The following DLG2 variants were observed in gnomAD, a reference collection of about 807,000 sequenced individuals.
DLG2 encodes discs large MAGUK scaffold protein 2, also known as disks large homolog 2.
A neutral mutation model predicts 132.5 loss-of-function variants in DLG2; 45 were observed. That is an observed-to-expected ratio of 0.34 (90% CI 0.27 to 0.44). The LOEUF is 0.44. Among genes scored for constraint, DLG2 ranks in the 20% least tolerant of loss-of-function variants. The probability of loss-of-function intolerance (pLI) is 1.00; values close to 1 mark genes in which losing one functional copy is unlikely to be tolerated. For missense variants in DLG2, 1,045 were observed against 1,196.9 expected (o/e 0.87, Z 1.87); for synonymous variants, 424 against 419.6 (o/e 1.01, Z -0.13).
At chr11:84,724,528 T>C (rs1041856924) in intron 6 of DLG2, among the ~76,000 whole-genome samples, 1 of 152,188 alleles carries the variant, frequency 6.6e-6, no homozygotes, top group Non-Finnish European at 1.5e-5. Context: ...AGAATATTTA[T>C]ACCATGTAAA....
In DLG2 at chr11:85,626,764, C is replaced by T. The variant is rs1436518291; in HGVS notation, c.-259-11G>A. ...TCCAGGCTGAGTCTTCTATGTCAGA[C>T]AAAGAAAATAATGATGTATTTTTTC... On this transcript the variant is annotated splice_polypyrimidine_tract_variant and intron_variant, in intron 1 of 27. Transcript: ENST00000376104. 2.0e-5 allele frequency: 3 copies of T among 152,164 alleles called. No individual in the cohort carries two copies. The highest frequency in any genetic ancestry group is 4.4e-5 in the Non-Finnish European group (3 of 68,030). The allele number at this position is 152,164 out of a possible 1,614,324, so 9.4% of individuals were successfully genotyped here. A position where few individuals can be genotyped will look rare whatever the true frequency, so the allele number is the denominator to read the frequency against.
At chr11:84,545,773 T>TTG (rs2099388505) in intron 6 of DLG2, 1 of 161,638 alleles carries the variant, frequency 6.2e-6, no homozygotes, top group African/African-American at 3.0e-5. Context: ...TTTTTTTTTT[T>TTG]GAGAAGGAGT....
intron 3 of DLG2, among the ~76,000 whole-genome samples, chr11:85,446,617 T>C (rs2092022218): frequency 6.6e-6 from 1 of 152,160 alleles, no homozygotes; most frequent in African/African-American, 2.4e-5. Context: ...TAAAATACTA[T>C]TTTTCACATT....
chr11:83,600,159 G>T (rs1398368191), intron 19 of DLG2, among the ~76,000 whole-genome samples: 2 of 151,974 alleles, frequency 1.3e-5, no homozygotes, highest in African/African-American at 4.8e-5. Context: ...ATAAGCTCAT[G>T]ATAGAGAGAT....
chr11:84,370,027 T>G (rs1375084631), intron 7 of DLG2, among the ~76,000 whole-genome samples: 2 of 151,694 alleles, frequency 1.3e-5, no homozygotes, highest in Admixed American at 1.3e-4. Context: ...ATGAACAACA[T>G]AAATAATTAT....
At chr11:84,709,559 A>G (rs1479715655) in intron 6 of DLG2, among the ~76,000 whole-genome samples, 1 of 151,964 alleles carries the variant, frequency 6.6e-6, no homozygotes, top group East Asian at 1.9e-4. Flanking sequence ...GAGCTTCCCC[A>G]AAGTCACAGA....
At chr11:85,193,278 C>T (rs1222647077) in intron 4 of DLG2, among the ~76,000 whole-genome samples, 1 of 152,182 alleles carries the variant, frequency 6.6e-6, no homozygotes, top group African/African-American at 2.4e-5. Context: ...TTAATACTCC[C>T]TTATACAGAT....
intron 3 of DLG2, among the ~76,000 whole-genome samples, chr11:85,369,594 T>C (rs2084820465): frequency 6.6e-6 from 1 of 152,196 alleles, no homozygotes; most frequent in Non-Finnish European, 1.5e-5. Context: ...ATGGCCCATC[T>C]GGTGTGCTTT....
chr11:84,043,541 C>T (rs1028490999), intron 11 of DLG2, among the ~76,000 whole-genome samples: 1 of 151,766 alleles, frequency 6.6e-6, no homozygotes, highest in African/African-American at 2.4e-5. Flanking sequence ...CCCAAACCCT[C>T]CACTCTCAAG....
intron 11 of DLG2, among the ~76,000 whole-genome samples, chr11:84,005,542 A>T (rs2094537165): frequency 6.6e-6 from 1 of 151,968 alleles, no homozygotes. Flanking sequence ...CAGTTAACAG[A>T]GGGAAGAAAC....
chr11:84,831,091 T>C (rs2079005747), intron 6 of DLG2, among the ~76,000 whole-genome samples: 1 of 151,024 alleles, frequency 6.6e-6, no homozygotes, highest in South Asian at 2.1e-4. Flanking sequence ...TTTGAGAACA[T>C]GCATTTCTAG....
intron 17 of DLG2, among the ~76,000 whole-genome samples, chr11:83,800,418 G>C (rs1005273177): frequency 1.3e-5 from 2 of 152,302 alleles, no homozygotes; most frequent in East Asian, 3.9e-4. Flanking sequence ...GCATGTTTCA[G>C]AGTGAGTGAA....
chr11:83,631,548 T>C (rs1044808680), intron 19 of DLG2: 1 of 152,124 alleles, frequency 6.6e-6, no homozygotes, highest in African/African-American at 2.4e-5. Flanking sequence ...ATTTATGATT[T>C]TAGAGAATAA....
At chr11:85,370,083 G>A (rs969398547) in intron 3 of DLG2, among the ~76,000 whole-genome samples, 1 of 152,154 alleles carries the variant, frequency 6.6e-6, no homozygotes, top group African/African-American at 2.4e-5. Flanking sequence ...TATTTGACTT[G>A]CTGGCTTCAC....
intron 19 of DLG2, among the ~76,000 whole-genome samples, chr11:83,628,915 T>C (rs1180103353): frequency 3.3e-5 from 5 of 152,280 alleles, no homozygotes; most frequent in Middle Eastern, 3.4e-3. Flanking sequence ...GAATGGAAAA[T>C]AACAAAGTAC....
chr11:84,067,921 T>C (rs1030479641), intron 10 of DLG2, among the ~76,000 whole-genome samples: 2 of 152,216 alleles, frequency 1.3e-5, no homozygotes, highest in South Asian at 2.1e-4. Context: ...ATGAGGCTTT[T>C]TTTTCCAGCA....
rs555054976 is a variant in DLG2, at chr11:85,624,782, A to G, written c.-93+1805T>C. ...ACATATACTCTGGTATCATAGAAAT[A>G]TAAACTGGTTTTTCTAATAAGAACT... On this transcript the variant is annotated intron_variant, in intron 2 of 27. Coordinates refer to ENST00000376104, the MANE Select transcript of DLG2 (RefSeq NM_001142699.3). Among the ~76,000 whole-genome samples the G allele has an allele frequency of 3.3e-5, 5 of 152,356 alleles. No individual in the cohort carries two copies. The South Asian group carries it at 1.0e-3, about 32-fold the overall frequency.
intron 6 of DLG2, among the ~76,000 whole-genome samples, chr11:84,939,518 T>TGTA (rs1236376182): frequency 1.3e-5 from 2 of 152,166 alleles, no homozygotes; most frequent in Non-Finnish European, 2.9e-5. Flanking sequence ...ACTATATTTT[T>TGTA]GTACCCATTA....
At chr11:85,172,821 T>C (rs1019138276) in intron 4 of DLG2, among the ~76,000 whole-genome samples, 6 of 152,014 alleles carry the variant, frequency 3.9e-5, no homozygotes, top group African/African-American at 7.2e-5. Flanking sequence ...AATGTTACAA[T>C]GCGACCACAA....
Sources: gnomAD v4.1 joint callset for allele counts (sites outside exome capture counted in the v4.1 genomes callset) on GRCh38, gnomAD v4.1.1 for gene constraint, MANE v1.5 for transcripts, NCBI Gene and HGNC (gene_info 2026-07-23, HGNC 2026-07-21) for gene names.